Variants in DNAH8 observed in about 807,000 individuals in gnomAD.
DNAH8 encodes axonemal beta dynein heavy chain 8.
A neutral mutation model predicts 562.1 loss-of-function variants in DNAH8; 382 were observed. The observed-to-expected ratio is 0.68, with a 90% CI of 0.63 to 0.74. The LOEUF is 0.74. Ranked by LOEUF, DNAH8 falls within the 30% of genes least tolerant of loss-of-function variation. The pLI, the probability that DNAH8 is intolerant of heterozygous loss-of-function variation, is 0.00. For missense variants in DNAH8, 5,203 were observed against 5,620.4 expected (o/e 0.93, Z 2.37); for synonymous variants, 1,881 against 1,919.4 (o/e 0.98, Z 0.52).
At chr6:38,848,222 C>A (rs80341274) in intron 36 of DNAH8, among the ~76,000 whole-genome samples, 41 of 152,242 alleles carry the variant, frequency 2.7e-4, no homozygotes, top group African/African-American at 9.9e-4. Context: ...GGATAGTGTT[C>A]TCTTTTCCTA....
intron 1 of DNAH8, among the ~76,000 whole-genome samples, chr6:38,715,960 A>ATATATTTTTTT (rs1372342002): frequency 8.5e-5 from 2 of 23,628 alleles, no homozygotes; most frequent in Non-Finnish European, 1.2e-4. Flanking sequence ...ATATATATAT[A>ATATATTTTTTT]TTTTTTTTTT....
Position 39,026,611 on chromosome 6 carries a change from A to G in DNAH8, c.13780A>G (p.Thr4594Ala). 6.2e-7 allele frequency: 1 copy of G among 1,613,246 alleles called. No homozygotes were observed. Among genetic ancestry groups the G allele is most frequent in the East Asian group, 2.2e-5 (1 of 44,882 alleles). The change falls in exon 92 of 93, where the codon ACC becomes GCC. Residue 4594 changes from threonine to alanine, a missense_variant. Around this residue, in one of 6 missense-constraint regions of DNAH8, gnomAD observed 1,399 missense variants for 1,518.4 expected, o/e 0.92. Coordinates refer to ENST00000327475, the MANE Select transcript of DNAH8 (RefSeq NM_001206927.2). ...AHKGWALDTV[T>A]IHNEVLRQTK... ...CAAAGGCTGGGCACTGGACACTGTG[A>G]CCATCCACAATGAAGTTCTGAGACA...
intron 68 of DNAH8, among the ~76,000 whole-genome samples, chr6:38,916,207 C>A (rs1336411112): frequency 3.3e-5 from 5 of 152,160 alleles, no homozygotes; most frequent in African/African-American, 1.2e-4. Context: ...ACACACAATG[C>A]GATCCAGTCA....
Position 38,907,975 on chromosome 6 carries a change from G to C in DNAH8, c.9368G>C (p.Arg3123Pro). 6.2e-7 allele frequency: 1 copy of C among 1,603,582 alleles called. No individual in the cohort carries two copies. Among genetic ancestry groups the C allele is most frequent in the Non-Finnish European group, 8.5e-7 (1 of 1,176,318 alleles). ...SSGEISNLFARDEMDEITQGL... is the reference protein window; with the variant it reads ...SSGEISNLFAPDEMDEITQGL... ...TTAAAGATCTCCAACTTGTTTGCAC[G>C]AGATGAGATGGATGAAATCACCCAA... is the stretch of plus-strand genomic sequence containing the variant. The change falls in exon 64 of 93, where the codon CGA (arginine) becomes CCA (proline). Residue 3123 changes from arginine (R) to proline (P), a missense_variant. Physicochemically the swap from Arg to Pro is moderately radical, Grantham distance 103 (BLOSUM62 -2). This residue lies in a region of DNAH8 where 977 missense variants were observed against 1,061.8 expected (regional missense o/e 0.92). Coordinates refer to ENST00000327475, the MANE Select transcript of DNAH8 (RefSeq NM_001206927.2).
chr6:38,762,483 G>A (rs1425537864), intron 11 of DNAH8, among the ~76,000 whole-genome samples: 3 of 152,118 alleles, frequency 2.0e-5, no homozygotes, highest in Non-Finnish European at 2.9e-5. Context: ...CTACAGTTTT[G>A]TTTAGGATTT....
rs746941720 is a variant in DNAH8 at position 38,931,909 on chromosome 6, TA to T, written c.11377del (p.Thr3793ArgfsTer10). 1 of 1,612,240 alleles carries T rather than the reference TA, an allele frequency of 6.2e-7. No individual in the cohort carries two copies. Among genetic ancestry groups the T allele is most frequent in the East Asian group, 2.2e-5 (1 of 44,724 alleles). ...NPAFTPEINA[K>X]TSVIDFTVTM... The stretch of plus-strand genomic sequence containing the variant: ...CTGCCTTTACCCCAGAGATTAATGC[TA>T]AAACGTCAGTCATTGATTTCACTGT... On this transcript the variant is annotated frameshift_variant, in exon 76 of 93. Transcript: ENST00000327475. LOFTEE classifies it high-confidence loss of function.
At chr6:38,728,120 T>C (rs1781713) in intron 3 of DNAH8, among the ~76,000 whole-genome samples, 142,941 of 152,156 alleles carry the variant, frequency 0.94, 67,200 homozygotes, top group East Asian at 1. Context: ...CACATACCTC[T>C]ATGCCCAGCT....
chr6:38,792,314 C>T (rs1040727386), intron 21 of DNAH8, among the ~76,000 whole-genome samples: 1 of 152,126 alleles, frequency 6.6e-6, no homozygotes, highest in African/African-American at 2.4e-5. Context: ...TCTCGAACTC[C>T]CGACCTCAGG....
chr6:39,004,276 C>T (rs374119816), intron 88 of DNAH8, among the ~76,000 whole-genome samples: 37 of 152,262 alleles, frequency 2.4e-4, no homozygotes, highest in African/African-American at 7.9e-4. Context: ...ATAACTTTAG[C>T]TACAGTCACT....
intron 26 of DNAH8, among the ~76,000 whole-genome samples, chr6:38,819,977 A>G (rs1678708): frequency 0.49 from 75,230 of 152,042 alleles, 19,585 homozygotes; most frequent in East Asian, 0.69. Flanking sequence ...GAATAAGTCC[A>G]CATCATGAAG....
chr6:38,799,936 A>C (rs1770624729), intron 21 of DNAH8, among the ~76,000 whole-genome samples: 1 of 152,150 alleles, frequency 6.6e-6, no homozygotes, highest in African/African-American at 2.4e-5. Context: ...TATATATCAG[A>C]ACTTAATTTC....
intron 21 of DNAH8, among the ~76,000 whole-genome samples, chr6:38,802,297 T>G (rs926653375): frequency 2.6e-5 from 4 of 151,612 alleles, no homozygotes; most frequent in African/African-American, 9.7e-5. Flanking sequence ...CAGGCTGGAG[T>G]GCAGTGGCGC....
rs564108720 is a variant in DNAH8 at position 38,810,399 on chromosome 6, G to T, written c.3257+2683G>T. 3.3e-5 allele frequency among the ~76,000 whole-genome samples: 5 copies of T among 152,148 alleles called. 1 individual carries two copies. In the South Asian group the frequency reaches 1.0e-3, roughly 32 times the overall value. The stretch of plus-strand genomic sequence containing the variant: ...TTGAGGTCAGGAGTTTGAGACCAGC[G>T]TGACCAACATGGTGAAACTCTGTCT... On this transcript the variant is annotated intron_variant, in intron 24 of 92. Coordinates refer to ENST00000327475, the MANE Select transcript of DNAH8 (RefSeq NM_001206927.2).
chr6:38,803,425 G>A, intron 22 of DNAH8, 114 bp downstream of exon 22: 1 of 720,312 alleles, frequency 1.4e-6, no homozygotes, highest in Non-Finnish European at 2.3e-6. Context: ...CAGAAGCAAA[G>A]AAGGTGTTCA....
At chr6:38,864,825 T>C (rs1277977623) in intron 45 of DNAH8, among the ~76,000 whole-genome samples, 1 of 152,194 alleles carries the variant, frequency 6.6e-6, no homozygotes, top group Non-Finnish European at 1.5e-5. Flanking sequence ...CTGACTTACC[T>C]GAGGCTCAGC....
intron 53 of DNAH8, among the ~76,000 whole-genome samples, chr6:38,882,313 C>A (rs56151125): frequency 0.15 from 22,494 of 152,174 alleles, 1,861 homozygotes; most frequent in Admixed American, 0.23. Flanking sequence ...AATCAACTTA[C>A]ATGCCCATCA....
Position 38,737,146 on chromosome 6 carries a change from C to A in DNAH8, c.842C>A (p.Pro281Gln). The change falls in exon 6 of 93, where the codon CCA becomes CAA. Residue 281 changes from proline to glutamine, a missense_variant. Physicochemically the swap from Pro to Gln is moderately conservative, Grantham distance 76. This residue lies in a region of DNAH8 where 556 missense variants were observed against 496.9 expected (regional missense o/e 1.12). Coordinates refer to ENST00000327475, the MANE Select transcript of DNAH8 (RefSeq NM_001206927.2). ...GATATGTTGGCAAATATATTTCTAC[C>A]AGCTGTTCTTGCAACAAACAACTGG... is the stretch of plus-strand genomic sequence containing the variant. Reference protein sequence around the residue: ...IRDMLANIFLPAVLATNNWGA... With the variant: ...IRDMLANIFLQAVLATNNWGA... 6.3e-7 allele frequency: 1 copy of A among 1,584,750 alleles called. No individual in the cohort carries two copies. Among genetic ancestry groups the A allele is most frequent in the South Asian group, 1.2e-5 (1 of 85,194 alleles).
In DNAH8 at chr6:38,862,453, T is replaced by A; in HGVS notation, c.6305T>A (p.Phe2102Tyr). 1 of 1,606,040 alleles carries A rather than the reference T, an allele frequency of 6.2e-7. No individual in the cohort carries two copies. The highest frequency in any genetic ancestry group is 8.5e-7 in the Non-Finnish European group (1 of 1,176,888). Residue 2102 changes from phenylalanine (F) to tyrosine (Y), a missense_variant, in exon 44 of 93, where the codon TTC becomes TAC. This residue lies in a region of DNAH8 where 2,176 missense variants were observed against 2,365.1 expected (regional missense o/e 0.92). Transcript: ENST00000327475. ...GATTTCAGAGGCCTAGGAAGGATTT[T>A]CAAAGGCAAGTGTCAAATAATGTAG... ...QMDFRGLGRI[F>Y]KGLAQSGSWG... is the part of the protein sequence containing the mutation.
intron 19 of DNAH8, 89 bp downstream of exon 19, chr6:38,789,972 C>T: frequency 1.1e-6 from 1 of 906,624 alleles, no homozygotes; most frequent in Non-Finnish European, 1.7e-6. Context: ...AACATCTATT[C>T]TTCTTTAGAC....
Sources: allele counts gnomAD v4.1 joint callset (sites outside exome capture counted in the v4.1 genomes callset), GRCh38; gene constraint gnomAD v4.1.1; regional missense constraint gnomAD v4.1.1; transcripts MANE v1.5; gene names NCBI Gene and HGNC (gene_info 2026-07-23, HGNC 2026-07-21).